ANKRD6: variants seen among roughly 807,000 people sequenced by gnomAD.
ANKRD6 encodes the protein ankyrin repeat domain 6, also known as ankyrin repeat domain-containing protein 6.
A neutral mutation model predicts 82.3 loss-of-function variants in ANKRD6; 56 were observed. That is an observed-to-expected ratio of 0.68 (90% confidence interval 0.55 to 0.85). The LOEUF is 0.85. Among genes scored for constraint, ANKRD6 ranks in the 40% least tolerant of loss-of-function variants. The pLI is 0.00. For synonymous variants in ANKRD6, 347 were observed against 352.1 expected (o/e 0.99, Z 0.16); for missense variants, 852 against 907.6 (o/e 0.94, Z 0.79).
chr6:89,589,799 TTG>T (rs1235193374), intron 2 of ANKRD6, among the ~76,000 whole-genome samples: 5 of 152,212 alleles, frequency 3.3e-5, no homozygotes, highest in African/African-American at 9.6e-5. Flanking sequence ...GGACACATTT[TTG>T]TGGTTGTTGC....
At chr6:89,496,118 T>C (rs1426410161) in intron 1 of ANKRD6, among the ~76,000 whole-genome samples, 1 of 151,800 alleles carries the variant, frequency 6.6e-6, no homozygotes, top group Non-Finnish European at 1.5e-5. Flanking sequence ...TCCGGAGTTG[T>C]GCTTCTCCAG....
At chr6:89,627,483 G>C (rs976063206) in intron 13 of ANKRD6, 100 bp from the exon 14 acceptor site, 7 of 900,578 alleles carry the variant, frequency 7.8e-6, no homozygotes, top group African/African-American at 1.7e-5. Flanking sequence ...TGCATGCAGG[G>C]GCTCCTACTT....
At chr6:89,612,854 C>T (rs1179904) in intron 6 of ANKRD6, among the ~76,000 whole-genome samples, 33,339 of 152,166 alleles carry the variant, frequency 0.22, 4,007 homozygotes, top group South Asian at 0.32. Flanking sequence ...ACATGGGTAT[C>T]GCTTCTTCAC....
At chr6:89,614,032 A>T in intron 7 of ANKRD6, 142 bp downstream of exon 7, 1 of 752,566 alleles carries the variant, frequency 1.3e-6, no homozygotes, top group Non-Finnish European at 2.1e-6. Context: ...TGGGCTTTGC[A>T]TGGGTGTCAC....
intron 1 of ANKRD6, among the ~76,000 whole-genome samples, chr6:89,452,571 C>T (rs1772976338): frequency 6.6e-6 from 1 of 152,172 alleles, no homozygotes; most frequent in Non-Finnish European, 1.5e-5. Context: ...AACTGTTTTA[C>T]TATTGTCTGC....
At chr6:89,544,256 C>T (rs553267385) in intron 1 of ANKRD6, among the ~76,000 whole-genome samples, 3 of 152,180 alleles carry the variant, frequency 2.0e-5, no homozygotes, top group African/African-American at 7.2e-5. Flanking sequence ...GTGCTCAGGC[C>T]GCAAGGAGCC....
chr6:89,529,458 A>G (rs1418794779), intron 1 of ANKRD6, among the ~76,000 whole-genome samples: 2 of 152,226 alleles, frequency 1.3e-5, no homozygotes, highest in Non-Finnish European at 2.9e-5. Flanking sequence ...GTTCAAGGGA[A>G]TGTTGTGTCT....
chr6:89,472,142 T>A (rs1775559543), intron 1 of ANKRD6, among the ~76,000 whole-genome samples: 1 of 152,132 alleles, frequency 6.6e-6, no homozygotes, highest in Non-Finnish European at 1.5e-5. Context: ...GGTCTCCCTA[T>A]GTACATGTCT....
In ANKRD6 at chr6:89,532,905, C is replaced by T. The variant is rs546580888; in HGVS notation, c.-143-33929C>T. On this transcript the variant is annotated intron_variant, in intron 1 of 15. Coordinates refer to ENST00000339746, the MANE Select transcript of ANKRD6 (RefSeq NM_001242809.2). ...TTTTTTTTTTTTTGAGATGGAGTCT[C>T]GCTCTGTTGCCCAGGCTGGAGCCAG... is the stretch of plus-strand genomic sequence containing the variant. 1.3e-3 allele frequency among the ~76,000 whole-genome samples: 201 copies of T among 149,732 alleles called. 2 individuals are homozygous for T. The highest frequency in any genetic ancestry group is 4.5e-3 in the African/African-American group (184 of 40,658).
intron 2 of ANKRD6, among the ~76,000 whole-genome samples, chr6:89,592,700 G>A (rs1795135968): frequency 6.6e-6 from 1 of 152,164 alleles, no homozygotes; most frequent in South Asian, 2.1e-4. Flanking sequence ...TGCTCCTCAT[G>A]GTTCTGGGAG....
intron 1 of ANKRD6, among the ~76,000 whole-genome samples, chr6:89,479,268 T>C (rs1776480988): frequency 6.6e-6 from 1 of 152,232 alleles, no homozygotes; most frequent in Non-Finnish European, 1.5e-5. Context: ...CTTACTTAAC[T>C]ATTTTTCTGT....
chr6:89,541,165 C>T (rs936082948), intron 1 of ANKRD6, among the ~76,000 whole-genome samples: 10 of 151,758 alleles, frequency 6.6e-5, no homozygotes, highest in Non-Finnish European at 1.5e-4. Context: ...CTGTGAAGAA[C>T]GTCATTGGTA....
At chr6:89,545,610 A>C (rs1784994159) in intron 1 of ANKRD6, among the ~76,000 whole-genome samples, 1 of 152,320 alleles carries the variant, frequency 6.6e-6, no homozygotes, top group African/African-American at 2.4e-5. Flanking sequence ...GGGTACAGTC[A>C]CAGGAATCTC....
At chr6:89,605,780 T>C (rs1798405796) in intron 4 of ANKRD6, among the ~76,000 whole-genome samples, 1 of 152,186 alleles carries the variant, frequency 6.6e-6, no homozygotes, top group South Asian at 2.1e-4. Context: ...TCGTCATGGA[T>C]TCATTTCTCT....
chr6:89,486,786 C>T (rs1402287306), intron 1 of ANKRD6, among the ~76,000 whole-genome samples: 2 of 152,110 alleles, frequency 1.3e-5, no homozygotes, highest in Non-Finnish European at 2.9e-5. Flanking sequence ...GGCCCTCTTC[C>T]TGGTTTCCTT....
chr6:89,570,294 C>G (rs1789542839), intron 2 of ANKRD6, among the ~76,000 whole-genome samples: 1 of 152,134 alleles, frequency 6.6e-6, no homozygotes, highest in African/African-American at 2.4e-5. Flanking sequence ...CTCCTGGTCT[C>G]AAGTGATCTT....
intron 1 of ANKRD6, among the ~76,000 whole-genome samples, chr6:89,453,723 G>A (rs995516580): frequency 6.6e-6 from 1 of 151,424 alleles, no homozygotes; most frequent in Non-Finnish European, 1.5e-5. Context: ...GAGACTACAG[G>A]TGCACGCCAC....
chr6:89,457,035 G>A (rs930813732), intron 1 of ANKRD6, among the ~76,000 whole-genome samples: 2 of 152,222 alleles, frequency 1.3e-5, no homozygotes, highest in African/African-American at 4.8e-5. Flanking sequence ...GTTGACTGGG[G>A]TGGGATGGTT....
intron 1 of ANKRD6, among the ~76,000 whole-genome samples, chr6:89,542,519 G>A (rs376490938): frequency 3.9e-5 from 6 of 151,970 alleles, no homozygotes; most frequent in Non-Finnish European, 7.4e-5. Context: ...CCCGCTTCCC[G>A]AGACACAGGA....
Sources: gnomAD v4.1 joint callset for allele counts (sites outside exome capture counted in the v4.1 genomes callset) on GRCh38, gnomAD v4.1.1 for gene constraint, MANE v1.5 for transcripts, NCBI Gene and HGNC (gene_info 2026-07-23, HGNC 2026-07-21) for gene names.